The following RPGRIP1L variants were observed in gnomAD, a reference collection of about 807,000 sequenced individuals.
RPGRIP1L encodes the protein RPGRIP1 like, also known as protein fantom.
In RPGRIP1L, 131 loss-of-function variants were observed where a neutral mutation model predicts 160.4. That is an observed-to-expected ratio of 0.82 (90% CI 0.71 to 0.94). RPGRIP1L has a LOEUF of 0.94. Ranked by LOEUF, RPGRIP1L falls within the 40% of genes least tolerant of loss-of-function variation. The probability of loss-of-function intolerance (pLI) is 0.00; values close to 1 mark genes in which losing one functional copy is unlikely to be tolerated. For missense variants in RPGRIP1L, 1,522 were observed against 1,535.8 expected (o/e 0.99, Z 0.15); for synonymous variants, 510 against 515.8 (o/e 0.99, Z 0.15).
chr16:53,640,729 A>C (rs1295120478), intron 19 of RPGRIP1L, among the ~76,000 whole-genome samples: 2 of 152,108 alleles, frequency 1.3e-5, no homozygotes, highest in South Asian at 2.1e-4. Flanking sequence ...AGTGAGTCCA[A>C]GAAACAATGT....
intron 14 of RPGRIP1L, among the ~76,000 whole-genome samples, chr16:53,655,766 C>A (rs9925121): frequency 0.61 from 92,305 of 152,126 alleles, 29,980 homozygotes; most frequent in Non-Finnish European, 0.71. Flanking sequence ...ACATTTTAAA[C>A]GAGTTCCTCA....
chr16:53,617,342 C>T (rs1347622750), intron 24 of RPGRIP1L, among the ~76,000 whole-genome samples: 1 of 152,092 alleles, frequency 6.6e-6, no homozygotes, highest in Non-Finnish European at 1.5e-5. Context: ...AAGAATAATA[C>T]AAAAGCCAAA....
chr16:53,680,620 A>G (rs969563963), intron 6 of RPGRIP1L, among the ~76,000 whole-genome samples: 1 of 152,168 alleles, frequency 6.6e-6, no homozygotes, highest in African/African-American at 2.4e-5. Flanking sequence ...AAATTTGGAT[A>G]TGGACTGTGT....
intron 6 of RPGRIP1L, among the ~76,000 whole-genome samples, chr16:53,682,321 G>T (rs1251320766): frequency 6.6e-6 from 1 of 152,110 alleles, no homozygotes; most frequent in Non-Finnish European, 1.5e-5. Flanking sequence ...GACAAAAATA[G>T]ACTGCTACAG....
At chr16:53,695,668 T>G in intron 3 of RPGRIP1L, 1 of 522,990 alleles carries the variant, frequency 1.9e-6, no homozygotes, top group Non-Finnish European at 3.4e-6. Flanking sequence ...TAGAGACTCT[T>G]TGAAATCAAT....
rs1964561986 is a variant in RPGRIP1L at position 53,619,179 on chromosome 16, T to TA, written c.3461dup (p.Ala1155SerfsTer5). ...CTTGAGAATCATTAAGGCTTAGAGC[T>TA]ATGATCTCAATCCGAATTTTTTCTG... On this transcript the variant is annotated frameshift_variant, in exon 24 of 27. Coordinates refer to ENST00000647211, the MANE Select transcript of RPGRIP1L (RefSeq NM_015272.5). LOFTEE classifies it high-confidence loss of function. The TA allele has an allele frequency of 6.2e-7, 1 of 1,613,740 alleles. No individual in the cohort carries two copies. Among genetic ancestry groups the TA allele is most frequent in the Non-Finnish European group, 8.5e-7 (1 of 1,180,034 alleles).
Position 53,652,624 on chromosome 16 carries a change from G to C in RPGRIP1L, c.2063C>G (p.Thr688Arg), listed in dbSNP as rs2151125176. ...ACATGCTGCAATTGTTTCATATTCTGTGCTATAAGCCTGGTGGACCTCAAG... is the reference window on the plus strand; with the variant it reads ...ACATGCTGCAATTGTTTCATATTCTCTGCTATAAGCCTGGTGGACCTCAAG... ...ITLEVHQAYS[T>R]EYETIAACQL... is the part of the protein sequence containing the mutation. Residue 688 changes from threonine (T) to arginine (R), a missense_variant, in exon 15 of 27, where the codon ACA becomes AGA. Physicochemically the swap from Thr to Arg is moderately conservative, Grantham distance 71. Transcript: ENST00000647211. 1 of 1,613,920 alleles carries C rather than the reference G, an allele frequency of 6.2e-7. No individual in the cohort carries two copies. The highest frequency in any genetic ancestry group is 1.3e-5 in the African/African-American group (1 of 75,030).
At chr16:53,623,783 G>A (rs1296622053) in intron 22 of RPGRIP1L, among the ~76,000 whole-genome samples, 1 of 152,196 alleles carries the variant, frequency 6.6e-6, no homozygotes, top group Admixed American at 6.5e-5. Flanking sequence ...CTTCAGGAGG[G>A]CAGGACCAAT....
intron 17 of RPGRIP1L, among the ~76,000 whole-genome samples, chr16:53,644,546 G>A (rs754791493): frequency 6.6e-6 from 1 of 152,188 alleles, no homozygotes; most frequent in Non-Finnish European, 1.5e-5. Flanking sequence ...CAGTAGAACT[G>A]TTGAAAGCCA....
Position 53,649,112 on chromosome 16 carries a change from G to C in RPGRIP1L, c.2156C>G (p.Thr719Arg), listed in dbSNP as rs1420264871. Residue 719 changes from threonine to arginine, a missense_variant, in exon 16 of 27, where the codon ACA (threonine) becomes AGA (arginine). Physicochemically the swap from Thr to Arg is moderately conservative, Grantham distance 71 (BLOSUM62 -1). Coordinates refer to ENST00000647211, the MANE Select transcript of RPGRIP1L (RefSeq NM_015272.5). The part of the protein sequence containing the change: ...RIFCTASLIG[T>R]KGDIPNFGTV... ...GCCAAAATTTGGGATGTCTCCTTTT[G>C]TTCCTACAAATCAGTACATAACCCA... The C allele has an allele frequency of 3.7e-6, 6 of 1,613,700 alleles. No individual in the cohort carries two copies. The highest frequency in any genetic ancestry group is 5.1e-6 in the Non-Finnish European group (6 of 1,179,716).
chr16:53,665,496 A>G (rs530856106), intron 9 of RPGRIP1L, among the ~76,000 whole-genome samples: 5 of 152,328 alleles, frequency 3.3e-5, no homozygotes, highest in African/African-American at 1.2e-4. Context: ...AGCATATTGA[A>G]CCACCAGACA....
intron 2 of RPGRIP1L, among the ~76,000 whole-genome samples, chr16:53,697,346 G>T (rs1970853917): frequency 6.7e-6 from 1 of 149,924 alleles, no homozygotes; most frequent in African/African-American, 2.5e-5. Context: ...TCTCCCCACG[G>T]TCTCCCTCTC....
intron 7 of RPGRIP1L, 129 bp from the exon 8 acceptor site, chr16:53,673,145 AT>A (rs1968882030): frequency 2.3e-6 from 2 of 869,628 alleles, no homozygotes; most frequent in African/African-American, 3.4e-5. Flanking sequence ...TATACAGATT[AT>A]TTTTTACATA....
intron 22 of RPGRIP1L, among the ~76,000 whole-genome samples, chr16:53,633,747 A>G (rs1965665057): frequency 6.6e-6 from 1 of 152,234 alleles, no homozygotes; most frequent in Admixed American, 6.5e-5. Context: ...TGTGCACTAT[A>G]TGCATATATA....
At chr16:53,643,951 T>C (rs1464661379) in intron 17 of RPGRIP1L, among the ~76,000 whole-genome samples, 1 of 152,230 alleles carries the variant, frequency 6.6e-6, no homozygotes, top group African/African-American at 2.4e-5. Flanking sequence ...ATTATCCATA[T>C]GTTCAAAGAA....
chr16:53,638,858 T>C (rs1268817069), intron 19 of RPGRIP1L, among the ~76,000 whole-genome samples: 2 of 151,816 alleles, frequency 1.3e-5, no homozygotes, highest in Non-Finnish European at 2.9e-5. Flanking sequence ...TTGATTAAAA[T>C]ACAAACAAGC....
At chr16:53,660,086 T>C (rs1341691652) in intron 10 of RPGRIP1L, among the ~76,000 whole-genome samples, 1 of 152,146 alleles carries the variant, frequency 6.6e-6, no homozygotes, top group Non-Finnish European at 1.5e-5. Flanking sequence ...CTCCCTGCAT[T>C]AAACATGTTT....
chr16:53,635,139 T>A (rs1965757940), intron 22 of RPGRIP1L, among the ~76,000 whole-genome samples: 1 of 152,170 alleles, frequency 6.6e-6, no homozygotes, highest in African/African-American at 2.4e-5. Flanking sequence ...ATTATTGGAA[T>A]ATTTAGAGAA....
chr16:53,657,608 C>A lies in RPGRIP1L; in HGVS notation c.1426G>T (p.Asp476Tyr). ...TCTACTTTCACTAAAAAGGAAAGGTCTCCATTTTTTTGTTCTTTTTGAGCC... is the reference window on the plus strand; with the variant it reads ...TCTACTTTCACTAAAAAGGAAAGGTATCCATTTTTTTGTTCTTTTTGAGCC... ...IKAQKEQKNGDLSFLVKVDSE... is the reference protein window; with the variant it reads ...IKAQKEQKNGYLSFLVKVDSE... The change falls in exon 13 of 27, where the codon GAC becomes TAC. Residue 476 changes from aspartate to tyrosine, a missense_variant. By Grantham distance (160) the Asp-to-Tyr change is radical. Transcript: ENST00000647211. 1 of 1,591,156 alleles carries A rather than the reference C, an allele frequency of 6.3e-7. No individual in the cohort carries two copies. The highest frequency in any genetic ancestry group is 1.1e-5 in the South Asian group (1 of 87,908).
Sources: allele counts gnomAD v4.1 joint callset (sites outside exome capture counted in the v4.1 genomes callset), GRCh38; gene constraint gnomAD v4.1.1; transcripts MANE v1.5; gene names NCBI Gene and HGNC (gene_info 2026-07-23, HGNC 2026-07-21).